Variants in ARMH1 observed in about 807,000 individuals in gnomAD.
ARMH1 encodes armadillo like helical domain containing 1.
ARMH1 carries 34 observed loss-of-function variants against 50.2 expected under a neutral mutation model. The observed-to-expected ratio is 0.68, with a 90% CI of 0.51 to 0.90. ARMH1 has a LOEUF of 0.90. Among genes scored for constraint, ARMH1 ranks in the 40% least tolerant of loss-of-function variants. ARMH1 has a pLI of 0.00. For missense variants in ARMH1, 538 were observed against 553.9 expected, an observed-to-expected ratio of 0.97 and a Z score of 0.29; for synonymous variants, 221 against 224.2, an observed-to-expected ratio of 0.99 and a Z score of 0.13.
rs564791768 is a variant in ARMH1, at chr1:44,681,096, G to A, written c.-23+6223G>A. Among the ~76,000 whole-genome samples the A allele has an allele frequency of 4.0e-5, 6 of 150,546 alleles. No homozygotes were observed. Among genetic ancestry groups the A allele is most frequent in the Admixed American group, 6.6e-5 (1 of 15,046 alleles). ...TGCAAGCTCCACCTCCCGGGTTCAC[G>A]CCATTCTCCTGCCTCAGCCTCCCGA... is the stretch of plus-strand genomic sequence containing the variant. On this transcript the variant is annotated intron_variant, in intron 1 of 11. Transcript: ENST00000535358. The surrounding 1 kb of genome is among the most constrained non-coding windows in gnomAD (Gnocchi z 4.3).
chr1:44,691,658 A>G (rs1645663140), intron 2 of ARMH1, among the ~76,000 whole-genome samples: 1 of 151,692 alleles, frequency 6.6e-6, no homozygotes, highest in South Asian at 2.1e-4. Flanking sequence ...ATTCAACACC[A>G]CTCTTGTATG....
At chr1:44,706,618 G>T (rs1280010502) in intron 6 of ARMH1, among the ~76,000 whole-genome samples, 1 of 152,166 alleles carries the variant, frequency 6.6e-6, no homozygotes, top group Non-Finnish European at 1.5e-5. Context: ...TGAATGTCAG[G>T]CATGTTATTC....
At position 44,699,021 on chromosome 1, in the gene ARMH1, G is replaced by A. The variant is rs560788381; in HGVS notation, c.442+792G>A. 5.3e-5 allele frequency among the ~76,000 whole-genome samples: 8 copies of A among 151,216 alleles called. No individual in the cohort carries two copies. The East Asian group carries it at 1.4e-3, about 26-fold the overall frequency. On this transcript the variant is annotated intron_variant, in intron 4 of 11. Transcript: ENST00000535358. ...AATTAGGCCAGGCGCGGTGGCTCAC[G>A]CCTGTAATCCCAGCACTTTGGGAGG... is the stretch of plus-strand genomic sequence containing the variant.
At chr1:44,712,808 CA>C (rs1646675049) in intron 6 of ARMH1, among the ~76,000 whole-genome samples, 2 of 151,554 alleles carry the variant, frequency 1.3e-5, no homozygotes, top group Non-Finnish European at 2.9e-5. Context: ...GGATTACAGG[CA>C]TGTGCCACCA....
chr1:44,704,981 C>G (rs778615709), intron 6 of ARMH1, among the ~76,000 whole-genome samples: 1 of 151,910 alleles, frequency 6.6e-6, no homozygotes, highest in Non-Finnish European at 1.5e-5. Context: ...ACTACAGGCG[C>G]CTGTCACCAT....
chr1:44,724,466 C>T lies in ARMH1; in HGVS notation c.921-73C>T. 1 of 1,521,192 alleles carries T rather than the reference C, an allele frequency of 6.6e-7. No homozygotes were observed. Among genetic ancestry groups the T allele is most frequent in the Non-Finnish European group, 8.8e-7 (1 of 1,136,310 alleles). The allele number at this position is 1,521,192 out of a possible 1,614,324, so 94.2% of individuals were successfully genotyped here. On this transcript the variant is annotated intron_variant, in intron 8 of 11. Coordinates refer to ENST00000535358, the MANE Select transcript of ARMH1 (RefSeq NM_001145636.2). This position sits in a 1 kb window ranked among gnomAD's most constrained non-coding sequence, Gnocchi z 6.4. ...CTGCCGGCGGGCCCCGGGAGCGCTCCGTGCGCCGGGTGGGCGGGGGTGTGC... is the reference window on the plus strand; with the variant it reads ...CTGCCGGCGGGCCCCGGGAGCGCTCTGTGCGCCGGGTGGGCGGGGGTGTGC...
At position 44,691,132 on chromosome 1, in the gene ARMH1, C is replaced by T. The variant is rs540966964; in HGVS notation, c.206+1229C>T. On this transcript the variant is annotated intron_variant, in intron 2 of 11. Coordinates refer to ENST00000535358, the MANE Select transcript of ARMH1 (RefSeq NM_001145636.2). Reference sequence around the variant, plus strand: ...ACTTAGCTGGGCATGGTGGCACATGCCTGTAATCCCAGCTACCCGGGAGGC... The same window carrying T: ...ACTTAGCTGGGCATGGTGGCACATGTCTGTAATCCCAGCTACCCGGGAGGC... Among the ~76,000 whole-genome samples the T allele has an allele frequency of 3.0e-4, 45 of 152,056 alleles. 1 individual carries two copies. In the South Asian group the frequency reaches 8.5e-3, roughly 29 times the overall value.
At position 44,724,716 on chromosome 1, in the gene ARMH1, A is replaced by G. The variant is rs1260545054; in HGVS notation, c.1051-46A>G. 4.0e-6 allele frequency: 6 copies of G among 1,491,846 alleles called. No individual in the cohort carries two copies. In the Admixed American group the frequency reaches 1.4e-4, roughly 35 times the overall value. The allele number at this position is 1,491,846 out of a possible 1,614,324, so 92.4% of individuals were successfully genotyped here. Reference sequence around the variant, plus strand: ...GGGCGGGAAGGGCGGCGGCACCCGCAGCCCCGTCGCCCCCGCAGTCACGCC... The same window carrying G: ...GGGCGGGAAGGGCGGCGGCACCCGCGGCCCCGTCGCCCCCGCAGTCACGCC... On this transcript the variant is annotated intron_variant, in intron 9 of 11. Transcript: ENST00000535358. This position sits in a 1 kb window ranked among gnomAD's most constrained non-coding sequence, Gnocchi z 6.4.
At chr1:44,706,676 G>A (rs948519472) in intron 6 of ARMH1, among the ~76,000 whole-genome samples, 1 of 152,174 alleles carries the variant, frequency 6.6e-6, no homozygotes, top group Admixed American at 6.5e-5. Flanking sequence ...TGCAAGGTCT[G>A]TGTGCATATG....
intron 4 of ARMH1, 68 bp downstream of exon 4, chr1:44,698,297 C>T: frequency 7.4e-7 from 1 of 1,346,890 alleles, no homozygotes; most frequent in East Asian, 2.6e-5. Flanking sequence ...GAACCCACCA[C>T]TGCTATAGGA....
At chr1:44,686,744 TAGAA>T (rs907667553) in intron 1 of ARMH1, among the ~76,000 whole-genome samples, 2 of 150,900 alleles carry the variant, frequency 1.3e-5, no homozygotes, top group African/African-American at 4.9e-5. Flanking sequence ...TGTTGGAGGA[TAGAA>T]AGAAAAAAAA....
At chr1:44,723,353 G>A (rs995041328) in intron 6 of ARMH1, among the ~76,000 whole-genome samples, 5 of 152,138 alleles carry the variant, frequency 3.3e-5, no homozygotes, top group Non-Finnish European at 7.3e-5. Flanking sequence ...GGCACCATAG[G>A]CGTTCACATG....
At chr1:44,715,712 A>G (rs1384101258) in intron 6 of ARMH1, among the ~76,000 whole-genome samples, 3 of 152,012 alleles carry the variant, frequency 2.0e-5, no homozygotes, top group Non-Finnish European at 4.4e-5. Flanking sequence ...GGCGCCCACC[A>G]TCACACCTGG....
intron 2 of ARMH1, among the ~76,000 whole-genome samples, chr1:44,694,257 G>T (rs1268410711): frequency 6.6e-6 from 1 of 152,128 alleles, no homozygotes; most frequent in Non-Finnish European, 1.5e-5. Flanking sequence ...TGCGTGATGT[G>T]ATAACAGTGT....
chr1:44,700,063 C>G (rs1233177445), intron 4 of ARMH1, among the ~76,000 whole-genome samples: 2 of 152,096 alleles, frequency 1.3e-5, no homozygotes, highest in Non-Finnish European at 2.9e-5. Flanking sequence ...CTCCTGAACT[C>G]AAGCCATCCA....
intron 6 of ARMH1, chr1:44,721,848 G>T (rs530379534): frequency 2.0e-5 from 3 of 152,134 alleles, no homozygotes; most frequent in Non-Finnish European, 4.4e-5. Context: ...TTTCTCCACG[G>T]AAATCTTTAG....
chr1:44,721,876 A>G (rs979419109), intron 6 of ARMH1: 4 of 152,214 alleles, frequency 2.6e-5, no homozygotes, highest in Non-Finnish European at 5.9e-5. Flanking sequence ...CGAAAGATTT[A>G]TTCGTTATGA....
chr1:44,679,732 T>G (rs1180863591), intron 1 of ARMH1, among the ~76,000 whole-genome samples: 1 of 152,184 alleles, frequency 6.6e-6, no homozygotes, highest in Non-Finnish European at 1.5e-5. Context: ...CATGGCAGCT[T>G]TGGGAAGTTG....
chr1:44,725,402 A>AAC lies in ARMH1; in HGVS notation c.*1_*2dup. The change falls in exon 12 of 12, where the codon TAA becomes TAACA. Residue 441 remains the stop codon, a frameshift_variant and stop_retained_variant. Coordinates refer to ENST00000535358, the MANE Select transcript of ARMH1 (RefSeq NM_001145636.2). LOFTEE classifies it high-confidence loss of function. ...GAGGAGGATGTAGAATCAAAGGAGT[A>AAC]ACAGCCCCTGTGGCAAACCAGGAAG... ...HFEEDVESKE[*] is the part of the protein sequence containing the mutation. 1 of 1,551,836 alleles carries AAC rather than the reference A, an allele frequency of 6.4e-7. No homozygotes were observed. The highest frequency in any genetic ancestry group is 1.2e-5 in the South Asian group (1 of 84,064).
Sources: gnomAD v4.1 joint callset for allele counts (sites outside exome capture counted in the v4.1 genomes callset) on GRCh38, gnomAD v4.1.1 for gene constraint, Gnocchi (gnomAD v3.1) non-coding constraint, MANE v1.5 for transcripts, NCBI Gene and HGNC (gene_info 2026-07-23, HGNC 2026-07-21) for gene names.